Variants in TAF1C observed in about 807,000 individuals in gnomAD.
TAF1C encodes TATA box-binding protein-associated factor RNA polymerase I subunit C.
In TAF1C, 79 loss-of-function variants were observed where a neutral mutation model predicts 70.5. The observed-to-expected ratio is 1.12, with a 90% CI of 0.93 to 1.35. The LOEUF is 1.35. TAF1C is among the 40% of genes most tolerant of loss of function. The pLI is 0.00. For missense variants in TAF1C, 1,412 were observed against 1,127.8 expected, an observed-to-expected ratio of 1.25 and a Z score of -3.61; for synonymous variants, 614 against 491.1, an observed-to-expected ratio of 1.25 and a Z score of -3.31.
intron 1 of TAF1C, chr16:84,185,326 G>A (rs1170612173): frequency 1.0e-5 from 2 of 191,014 alleles, no homozygotes; most frequent in Non-Finnish European, 2.1e-5. Context: ...GAGGGTTCCA[G>A]GCCGAACGGT....
intron 14 of TAF1C, 38 bp from the exon 15 acceptor site, chr16:84,179,889 G>T (rs371858260): frequency 1.5e-4 from 247 of 1,608,626 alleles, no homozygotes; most frequent in Middle Eastern, 1.2e-3. Flanking sequence ...AGGGCCTAGC[G>T]GGGGGAGGGG....
Position 84,179,913 on chromosome 16 carries a change from C to T in TAF1C, c.1621+33G>A, listed in dbSNP as rs1331656445. ...CGGGGGGAGGGGATGTTTTCCACTG[C>T]GCCCCCCAAGCTCACTCCCCCACCC... On this transcript the variant is annotated intron_variant, in intron 14 of 14. Transcript: ENST00000566732. 17 of 1,603,790 alleles carry T rather than the reference C, an allele frequency of 1.1e-5. No homozygotes were observed. In the East Asian group the frequency reaches 1.6e-4, roughly 15 times the overall value.
chr16:84,186,321 A>C (rs892764298), intron 1 of TAF1C, among the ~76,000 whole-genome samples: 1 of 152,228 alleles, frequency 6.6e-6, no homozygotes, highest in Admixed American at 6.5e-5. Flanking sequence ...TGGGAGGCCA[A>C]GGCGGGCGGA....
At position 84,179,830 on chromosome 16, in the gene TAF1C, GGCGGGAC is replaced by G. The variant is rs1247938423; in HGVS notation, c.1636_1642del (p.Val546ProfsTer67). 6.2e-7 allele frequency: 1 copy of G among 1,607,316 alleles called. No individual in the cohort carries two copies. On this transcript the variant is annotated frameshift_variant, in exon 15 of 15. Transcript: ENST00000566732. LOFTEE classifies it low-confidence loss of function (END_TRUNC). Reference sequence around the variant, plus strand: ...GCCTGGTGTGGGCGCTGAGGGCAAGGGCGGGACGACGGCAGCCAGACCTGGTGACGGG... The same window carrying G: ...GCCTGGTGTGGGCGCTGAGGGCAAGGGACGGCAGCCAGACCTGGTGACGGG...
rs1205928339 is a variant in TAF1C at position 84,180,065 on chromosome 16, G to A, written c.1502C>T (p.Pro501Leu). The A allele has an allele frequency of 3.1e-6, 5 of 1,600,934 alleles. No individual in the cohort carries two copies. The highest frequency in any genetic ancestry group is 4.3e-6 in the Non-Finnish European group (5 of 1,174,584). ...AGACTGGGGGGGGCCTGCCAGGCGG[G>A]GCACCGACGCCCCTTCTCCTGAGGA... is the stretch of plus-strand genomic sequence containing the variant. ...LHLAGEGASV[P>L]RLAGPPQSLP... The change falls in exon 14 of 15, where the codon CCC becomes CTC. Residue 501 changes from proline (P) to leucine (L), a missense_variant. Pro to Leu is a moderately conservative substitution (Grantham distance 98). Coordinates refer to ENST00000566732, the MANE Select transcript of TAF1C (RefSeq NM_001243156.2).
chr16:84,183,585 A>T (rs532530078), intron 3 of TAF1C, 78 bp from the exon 4 acceptor site: 2 of 1,549,472 alleles, frequency 1.3e-6, no homozygotes, highest in Non-Finnish European at 1.8e-6. Context: ...GAGGTATCCA[A>T]GGGTCCTGAG....
chr16:84,183,640 C>T, intron 3 of TAF1C, 57 bp downstream of exon 3: 1 of 1,562,750 alleles, frequency 6.4e-7, no homozygotes, highest in Non-Finnish European at 8.8e-7. Context: ...GGAGCGGGAG[C>T]AGTGGGAAGA....
In TAF1C at chr16:84,178,420, A is replaced by T. The variant is rs1384984875; in HGVS notation, c.*521T>A. On this transcript the variant is annotated 3_prime_UTR_variant, in exon 15 of 15. Coordinates refer to ENST00000566732, the MANE Select transcript of TAF1C (RefSeq NM_001243156.2). ...AAGTGTATTTAGTCCCTGAACCTGG[A>T]TCCAAGGCATCTCCCTGTAGGAAAC... 2.2e-6 allele frequency: 1 copy of T among 457,706 alleles called. No homozygotes were observed. The highest frequency in any genetic ancestry group is 4.4e-6 in the Non-Finnish European group (1 of 227,964). The allele number at this position is 457,706 out of a possible 1,614,324, so 28.4% of individuals were successfully genotyped here.
rs775932265 is a variant in TAF1C at position 84,185,003 on chromosome 16, C to G, written c.-15G>C. On this transcript the variant is annotated 5_prime_UTR_variant, in exon 2 of 15. Transcript: ENST00000566732. ...GGGAAGTCCATCCTGGAAACAAGGA[C>G]CAAGCACCACACTGGCCACCTCGAG... is the stretch of plus-strand genomic sequence containing the variant. The G allele has an allele frequency of 6.8e-5, 109 of 1,611,778 alleles. No individual in the cohort carries two copies. The highest frequency in any genetic ancestry group is 9.1e-5 in the Non-Finnish European group (107 of 1,178,990).
Position 84,180,069 on chromosome 16 carries a change from C to T in TAF1C, c.1498G>A (p.Val500Met), listed in dbSNP as rs773369801. 6.3e-7 allele frequency: 1 copy of T among 1,599,226 alleles called. No individual in the cohort carries two copies. Among genetic ancestry groups the T allele is most frequent in the South Asian group, 1.1e-5 (1 of 88,818 alleles). The change falls in exon 14 of 15, where the codon GTG becomes ATG. Residue 500 changes from valine (V) to methionine (M), a missense_variant. By Grantham distance (21) the Val-to-Met change is conservative. Coordinates refer to ENST00000566732, the MANE Select transcript of TAF1C (RefSeq NM_001243156.2). ...LLHLAGEGAS[V>M]PRLAGPPQSL... ...TGGGGGGGGCCTGCCAGGCGGGGCA[C>T]CGACGCCCCTTCTCCTGAGGAAGGA...
rs758488806 is a variant in TAF1C at position 84,180,410 on chromosome 16, G to A, written c.1309-66C>T. 1.7e-5 allele frequency: 25 copies of A among 1,466,016 alleles called. No individual in the cohort carries two copies. In the East Asian group the frequency reaches 1.7e-4, roughly 10 times the overall value. The allele number at this position is 1,466,016 out of a possible 1,614,324, so 90.8% of individuals were successfully genotyped here. A position where few individuals can be genotyped will look rare whatever the true frequency, so the allele number is the denominator to read the frequency against. ...AGCTGAGCTGTGTAGTGGCCCTCCA[G>A]GCCCCATGTGGCTCTCCAGGTGAGT... On this transcript the variant is annotated intron_variant, in intron 12 of 14. Transcript: ENST00000566732.
At chr16:84,181,531 A>G in intron 10 of TAF1C, 61 bp downstream of exon 10, 1 of 1,613,754 alleles carries the variant, frequency 6.2e-7, no homozygotes, top group Non-Finnish European at 8.5e-7. Flanking sequence ...GGGTCGCGAC[A>G]TGCTCAACAG....
In TAF1C at chr16:84,178,955, G is replaced by A. The variant is rs774566838; in HGVS notation, c.2518C>T (p.Arg840Ter). 15 of 1,607,768 alleles carry A rather than the reference G, an allele frequency of 9.3e-6. No homozygotes were observed. Among genetic ancestry groups the A allele is most frequent in the South Asian group, 2.2e-5 (2 of 90,516 alleles). The stretch of plus-strand genomic sequence containing the variant: ...ACCTTGTGTCCTCAGAAGCCCATTC[G>A]AGGCTTCTTCCGGAGGGGCTGAGAG... ...SSSQPLRKKP[R>*]MGF Residue 840 changes from arginine to a stop codon, truncating the protein, a stop_gained, in exon 15 of 15, where the codon CGA becomes TGA. Coordinates refer to ENST00000566732, the MANE Select transcript of TAF1C (RefSeq NM_001243156.2). LOFTEE classifies it high-confidence loss of function.
In TAF1C at chr16:84,181,974, C is replaced by T. The variant is rs779249456; in HGVS notation, c.806G>A (p.Arg269Gln). The part of the protein sequence containing the change: ...PGRIQLQGPV[R>Q]QVVTCTVQGE... The stretch of plus-strand genomic sequence containing the variant: ...CTGGACGGTGCATGTCACCACTTGC[C>T]GGACAGGTCCCTGGAGCTGGATGCG... The change falls in exon 8 of 15, where the codon CGG (arginine) becomes CAG (glutamine). Residue 269 changes from arginine to glutamine, a missense_variant. Physicochemically the swap from Arg to Gln is conservative, Grantham distance 43. Transcript: ENST00000566732. 5.0e-6 allele frequency: 8 copies of T among 1,613,702 alleles called. No homozygotes were observed. In the East Asian group the frequency reaches 6.7e-5, roughly 13 times the overall value.
chr16:84,180,760 C>G (rs1222756677), intron 12 of TAF1C: 1 of 1,298,786 alleles, frequency 7.7e-7, no homozygotes, highest in Non-Finnish European at 9.9e-7. Context: ...AGAAACTCTC[C>G]AGCTCTGCAC....
At chr16:84,183,560 T>C (rs757019614) in intron 3 of TAF1C, 53 bp from the exon 4 acceptor site, 2 of 1,564,040 alleles carry the variant, frequency 1.3e-6, no homozygotes, top group Non-Finnish European at 1.7e-6. Context: ...TGCGGCCAGA[T>C]GCCCTGGGCG....
chr16:84,178,105 G>T lies in TAF1C; in HGVS notation c.*836C>A. ...AACAGAATCTTCCACTGCAGCTAGA[G>T]AAACTCCGAGGAAGAGGGACTTGAT... On this transcript the variant is annotated 3_prime_UTR_variant, in exon 15 of 15. Coordinates refer to ENST00000566732, the MANE Select transcript of TAF1C (RefSeq NM_001243156.2). 2.2e-6 allele frequency: 1 copy of T among 451,712 alleles called. No individual in the cohort carries two copies. The highest frequency in any genetic ancestry group is 4.1e-6 in the Non-Finnish European group (1 of 241,764). 28.0% of individuals were successfully genotyped at this position (451,712 alleles called of 1,614,324 possible).
rs1555529000 is a variant in TAF1C, at chr16:84,179,515, A to AGCC, written c.1955_1957dup (p.Arg652dup). 6.2e-7 allele frequency: 1 copy of AGCC among 1,604,350 alleles called. No homozygotes were observed. The highest frequency in any genetic ancestry group is 1.1e-5 in the South Asian group (1 of 90,974). On this transcript the variant is annotated inframe_insertion, in exon 15 of 15. Coordinates refer to ENST00000566732, the MANE Select transcript of TAF1C (RefSeq NM_001243156.2). ...GGCCATGGCCTTGCGGAGCACACCCAGCCGCTGCCCTTCCTCTTCCTCCCT... is the reference window on the plus strand; with the variant it reads ...GGCCATGGCCTTGCGGAGCACACCCAGCCGCCGCTGCCCTTCCTCTTCCTCCCT...
chr16:84,180,867 C>T, intron 12 of TAF1C, 176 bp downstream of exon 12: 1 of 1,414,668 alleles, frequency 7.1e-7, no homozygotes. Context: ...TCCCCACCTG[C>T]CTGTTAGCAC....
Sources: gnomAD v4.1 joint callset for allele counts (sites outside exome capture counted in the v4.1 genomes callset) on GRCh38, gnomAD v4.1.1 for gene constraint, MANE v1.5 for transcripts, NCBI Gene and HGNC (gene_info 2026-07-23, HGNC 2026-07-21) for gene names.